Variants in IQSEC1 observed in about 807,000 individuals in gnomAD.
IQSEC1 encodes IQ motif and Sec7 domain ArfGEF 1, also known as IQ motif and SEC7 domain-containing protein 1.
Under a neutral mutation model 91.0 loss-of-function variants are expected in IQSEC1, and 31 were observed. The observed-to-expected ratio is 0.34, with a 90% CI of 0.26 to 0.46. The LOEUF (loss-of-function observed/expected upper bound fraction) is 0.46, where lower values mean the gene tolerates loss of function less well. Ranked by LOEUF, IQSEC1 falls within the 20% of genes least tolerant of loss-of-function variation. IQSEC1 has a pLI of 1.00. For missense variants in IQSEC1, 1,388 were observed against 1,575.6 expected (o/e 0.88, Z 2.02); for synonymous variants, 699 against 662.6 (o/e 1.05, Z -0.84).
intron 1 of IQSEC1, among the ~76,000 whole-genome samples, chr3:13,226,576 A>AC (rs536233940): frequency 3.1e-3 from 415 of 132,280 alleles, no homozygotes; most frequent in African/African-American, 0.012. Flanking sequence ...GCATAGTGAG[A>AC]CCCCATCTCT....
intron 2 of IQSEC1, among the ~76,000 whole-genome samples, chr3:13,146,290 C>A (rs937629690): frequency 1.3e-5 from 2 of 152,104 alleles, no homozygotes; most frequent in African/African-American, 2.4e-5. Context: ...TCTGGCCAGT[C>A]CCTGCTCTTT....
intron 3 of IQSEC1, among the ~76,000 whole-genome samples, chr3:12,926,688 T>TC (rs780073846): frequency 1.3e-5 from 2 of 152,098 alleles, no homozygotes; most frequent in Non-Finnish European, 2.9e-5. Flanking sequence ...CATTCTTCTG[T>TC]CCCCGGGGTG....
intron 2 of IQSEC1, among the ~76,000 whole-genome samples, chr3:13,102,283 A>AAAT (rs200690512): frequency 0.068 from 10,296 of 151,706 alleles, 446 homozygotes; most frequent in Non-Finnish European, 0.1. Context: ...ACTTGTCTCA[A>AAAT]AATAATAATA....
chr3:13,204,809 T>C (rs1215851834), intron 1 of IQSEC1, among the ~76,000 whole-genome samples: 12 of 150,826 alleles, frequency 8.0e-5, no homozygotes, highest in African/African-American at 1.2e-4. Flanking sequence ...TTCTTTCTTT[T>C]TTTTTTTTTT....
chr3:13,134,641 T>A (rs756810693), intron 2 of IQSEC1, among the ~76,000 whole-genome samples: 5 of 152,198 alleles, frequency 3.3e-5, no homozygotes, highest in Non-Finnish European at 5.9e-5. Flanking sequence ...TTGACTTGGG[T>A]GGCCCTAGAG....
In IQSEC1 at chr3:12,983,084, G is replaced by A. The variant is rs1346181974; in HGVS notation, c.24-41219C>T. ...GCTATTGCTCACTGGGGGCTCCTGA[G>A]GGCCTTCCCCACTGTAACTCACTTG... On this transcript the variant is annotated intron_variant, in intron 1 of 13. Transcript: ENST00000613206. The surrounding 1 kb of genome is among the most constrained non-coding windows in gnomAD (Gnocchi z 4.3). Among the ~76,000 whole-genome samples the A allele has an allele frequency of 6.6e-6, 1 of 152,166 alleles. No individual in the cohort carries two copies. The highest frequency in any genetic ancestry group is 1.5e-5 in the Non-Finnish European group (1 of 68,032).
In IQSEC1 at chr3:12,908,131, T is replaced by G. The variant is rs1218490184; in HGVS notation, c.2755+218A>C. Among the ~76,000 whole-genome samples the G allele has an allele frequency of 1.3e-5, 2 of 152,222 alleles. No individual in the cohort carries two copies. Among genetic ancestry groups the G allele is most frequent in the Non-Finnish European group, 2.9e-5 (2 of 68,034 alleles). ...ACTTCCCCAGCTAATTCGTGTGCAA[T>G]GCCTTTCTTTTTGACGTTTGGGTCC... On this transcript the variant is annotated intron_variant, in intron 12 of 13. Coordinates refer to ENST00000613206, the MANE Select transcript of IQSEC1 (RefSeq NM_001134382.3). This position sits in a 1 kb window ranked among gnomAD's most constrained non-coding sequence, Gnocchi z 4.9.
chr3:12,961,530 G>C (rs2125484747), intron 1 of IQSEC1, among the ~76,000 whole-genome samples: 1 of 152,180 alleles, frequency 6.6e-6, no homozygotes, highest in East Asian at 1.9e-4. Flanking sequence ...TCTGCCATCT[G>C]TCATACCACC....
chr3:13,030,668 C>G (rs538410011), intron 1 of IQSEC1, among the ~76,000 whole-genome samples: 1 of 152,314 alleles, frequency 6.6e-6, no homozygotes, highest in South Asian at 2.1e-4. Flanking sequence ...GGAAGGGGAG[C>G]CTCTAGGTAA....
chr3:13,183,491 G>A (rs201423369), intron 1 of IQSEC1, among the ~76,000 whole-genome samples: 4 of 151,592 alleles, frequency 2.6e-5, no homozygotes, highest in East Asian at 3.9e-4. Flanking sequence ...GCTTGAACCC[G>A]GGAGGCAGAG....
intron 2 of IQSEC1, among the ~76,000 whole-genome samples, chr3:13,151,555 C>A (rs936683598): frequency 2.0e-5 from 3 of 152,144 alleles, no homozygotes; most frequent in African/African-American, 4.8e-5. Flanking sequence ...GTCGGGGAGG[C>A]CCCACACCAA....
In IQSEC1 at chr3:12,967,692, G is replaced by C; in HGVS notation, c.24-25827C>G. The C allele has an allele frequency of 4.4e-6, 5 of 1,148,570 alleles. No homozygotes were observed. Among genetic ancestry groups the C allele is most frequent in the Non-Finnish European group, 5.3e-6 (5 of 936,104 alleles). The allele number at this position is 1,148,570 out of a possible 1,614,324, so 71.1% of individuals were successfully genotyped here. A position where few individuals can be genotyped will look rare whatever the true frequency, so the allele number is the denominator to read the frequency against. On this transcript the variant is annotated intron_variant, in intron 1 of 13. Coordinates refer to ENST00000613206, the MANE Select transcript of IQSEC1 (RefSeq NM_001134382.3). This position sits in a 1 kb window ranked among gnomAD's most constrained non-coding sequence, Gnocchi z 5.9. ...GCCCCTCCGCCGCCGCCCGCTTGGC[G>C]CAGCGCGAGGCCGGGCCGGAGGAAT... is the stretch of plus-strand genomic sequence containing the variant.
chr3:12,942,922 C>T (rs538335933), intron 1 of IQSEC1, among the ~76,000 whole-genome samples: 2 of 152,288 alleles, frequency 1.3e-5, no homozygotes, highest in Admixed American at 6.5e-5. Context: ...CATGGGGGAA[C>T]CCACCCTGCC....
At chr3:12,963,462 A>T (rs1441009626) in intron 1 of IQSEC1, among the ~76,000 whole-genome samples, 1 of 152,270 alleles carries the variant, frequency 6.6e-6, no homozygotes, top group Non-Finnish European at 1.5e-5. Context: ...ACTGTGAGGA[A>T]TCATTTTAAC....
At chr3:13,266,621 T>C (rs917786259) in intron 1 of IQSEC1, among the ~76,000 whole-genome samples, 1 of 151,306 alleles carries the variant, frequency 6.6e-6, no homozygotes, top group Non-Finnish European at 1.5e-5. Context: ...AGGAGAACTA[T>C]TCAGGGAGAA....
At chr3:13,241,709 G>A (rs565379335) in intron 1 of IQSEC1, among the ~76,000 whole-genome samples, 8 of 152,346 alleles carry the variant, frequency 5.3e-5, no homozygotes, top group South Asian at 2.1e-4. Flanking sequence ...CCGGGCTTCC[G>A]TGTTTCAGAA....
At chr3:12,956,903 G>A (rs1236355416) in intron 1 of IQSEC1, among the ~76,000 whole-genome samples, 1 of 152,192 alleles carries the variant, frequency 6.6e-6, no homozygotes, top group Non-Finnish European at 1.5e-5. Context: ...CTTGCCCAAC[G>A]GGAGCGTGGG....
intron 1 of IQSEC1, among the ~76,000 whole-genome samples, chr3:12,943,936 G>A (rs1268275533): frequency 6.6e-6 from 1 of 152,208 alleles, no homozygotes; most frequent in Non-Finnish European, 1.5e-5. Context: ...CTGGCCTCCG[G>A]GGTCAGGCAG....
In IQSEC1 at chr3:13,101,596, C is replaced by T. The variant is rs533429348; in HGVS notation, c.303-54074G>A. 2.9e-3 allele frequency among the ~76,000 whole-genome samples: 434 copies of T among 152,000 alleles called. 2 individuals are homozygous for T. The highest frequency in any genetic ancestry group is 9.2e-3 in the African/African-American group (380 of 41,454). On this transcript the variant is annotated intron_variant, in intron 2 of 15. Transcript: ENST00000648114. Reference sequence around the variant, plus strand: ...GTCTGGAGGGAGCTCCCGGTTTCCACGACAGATTGCAGTGGGTGGGAGAGG... The same window carrying T: ...GTCTGGAGGGAGCTCCCGGTTTCCATGACAGATTGCAGTGGGTGGGAGAGG...
Sources: gnomAD v4.1 joint callset for allele counts (sites outside exome capture counted in the v4.1 genomes callset) on GRCh38, gnomAD v4.1.1 for gene constraint, Gnocchi (gnomAD v3.1) non-coding constraint, MANE v1.5 for transcripts, NCBI Gene and HGNC (gene_info 2026-07-23, HGNC 2026-07-21) for gene names.